The following EIF3G variants were observed in gnomAD, a reference collection of about 807,000 sequenced individuals.
EIF3G encodes eukaryotic translation initiation factor 3 RNA-binding subunit.
In EIF3G, 10 loss-of-function variants were observed where a neutral mutation model predicts 41.7. The observed-to-expected ratio is 0.24, with a 90% CI of 0.15 to 0.41. The LOEUF (loss-of-function observed/expected upper bound fraction) is 0.41. EIF3G is among the 10% of genes least tolerant of loss of function. The pLI is 1.00. For synonymous variants in EIF3G, 204 were observed against 172.5 expected, an observed-to-expected ratio of 1.18 and a Z score of -1.43; for missense variants, 297 against 444.0, an observed-to-expected ratio of 0.67 and a Z score of 2.98.
rs1307970754 is a variant in EIF3G at position 10,118,967 on chromosome 19, G to A, written c.152-11C>T. 1.9e-6 allele frequency: 3 copies of A among 1,613,958 alleles called. No homozygotes were observed. The highest frequency in any genetic ancestry group is 1.3e-5 in the African/African-American group (1 of 74,928). On this transcript the variant is annotated splice_polypyrimidine_tract_variant and intron_variant, in intron 3 of 10. Coordinates refer to ENST00000253108, the MANE Select transcript of EIF3G (RefSeq NM_003755.5). The stretch of plus-strand genomic sequence containing the variant: ...GAGGCGGCAGTGGAGCTGGCAGAAG[G>A]GGAAAAACAGAGAAAGACTGAGCCC...
rs914543563 is a variant in EIF3G at position 10,116,554 on chromosome 19, G to A, written c.595+246C>T. On this transcript the variant is annotated intron_variant, in intron 7 of 10. Coordinates refer to ENST00000253108, the MANE Select transcript of EIF3G (RefSeq NM_003755.5). The surrounding 1 kb of genome is among the most constrained non-coding windows in gnomAD (Gnocchi z 4.1). ...GTGGGGTGGTCAGCACCCTGGGGCC[G>A]ACAGACAGCAGCTCATCAGGACAGT... 4.2e-5 allele frequency: 22 copies of A among 524,502 alleles called. No individual in the cohort carries two copies. Among genetic ancestry groups the A allele is most frequent in the African/African-American group, 1.7e-4 (9 of 52,752 alleles). 32.5% of individuals were successfully genotyped at this position (524,502 alleles called of 1,614,324 possible). A position where few individuals can be genotyped will look rare whatever the true frequency, so the allele number is the denominator to read the frequency against.
intron 6 of EIF3G, 43 bp from the exon 7 acceptor site, chr19:10,117,032 A>G: frequency 6.2e-7 from 1 of 1,600,848 alleles, no homozygotes; most frequent in Non-Finnish European, 8.5e-7. Context: ...CGGCTAAGGC[A>G]CCCCCTTTGC....
rs1399515902 is a variant in EIF3G at position 10,116,623 on chromosome 19, A to G, written c.595+177T>C. The G allele has an allele frequency of 6.4e-6, 4 of 623,358 alleles. No individual in the cohort carries two copies. The highest frequency in any genetic ancestry group is 5.9e-5 in the Admixed American group (2 of 33,682). 38.6% of individuals were successfully genotyped at this position (623,358 alleles called of 1,614,324 possible). On this transcript the variant is annotated intron_variant, in intron 7 of 10. Coordinates refer to ENST00000253108, the MANE Select transcript of EIF3G (RefSeq NM_003755.5). This position sits in a 1 kb window ranked among gnomAD's most constrained non-coding sequence, Gnocchi z 4.1. ...GTCACAGCTGCCAAGTCGCACATATATGGGAGACGCCCGTCTCCCAACCAT... is the reference window on the plus strand; with the variant it reads ...GTCACAGCTGCCAAGTCGCACATATGTGGGAGACGCCCGTCTCCCAACCAT...
In EIF3G at chr19:10,116,183, G is replaced by T; in HGVS notation, c.596-109C>A. On this transcript the variant is annotated intron_variant, in intron 7 of 10. Transcript: ENST00000253108. The surrounding 1 kb of genome is among the most constrained non-coding windows in gnomAD (Gnocchi z 4.1). ...TGTTGAGCCAGCGCAGGCACTGTGT[G>T]CCAAACCACAGGCAGCCAGTTGGCC... The T allele has an allele frequency of 8.8e-7, 1 of 1,136,270 alleles. No individual in the cohort carries two copies. The highest frequency in any genetic ancestry group is 1.2e-6 in the Non-Finnish European group (1 of 802,942). 70.4% of individuals were successfully genotyped at this position (1,136,270 alleles called of 1,614,324 possible).
Position 10,116,092 on chromosome 19 carries a change from G to GTCAAGTTC in EIF3G, c.596-26_596-19dup. 6.2e-7 allele frequency: 1 copy of GTCAAGTTC among 1,611,530 alleles called. No homozygotes were observed. The highest frequency in any genetic ancestry group is 8.5e-7 in the Non-Finnish European group (1 of 1,178,528). On this transcript the variant is annotated intron_variant, in intron 7 of 10. Coordinates refer to ENST00000253108, the MANE Select transcript of EIF3G (RefSeq NM_003755.5). The surrounding 1 kb of genome is among the most constrained non-coding windows in gnomAD (Gnocchi z 4.1). ...CTCTAGCTCTGGGGACCAAAAGACA[G>GTCAAGTTC]TCAAGTTCAACCTCACTGTGGCGCA...
intron 5 of EIF3G, chr19:10,118,147 TGATTA>T (rs2089275295): frequency 6.5e-6 from 1 of 152,834 alleles, no homozygotes; most frequent in Non-Finnish European, 1.5e-5. Context: ...CATCGAACTT[TGATTA>T]GATATTTATC....
At position 10,116,368 on chromosome 19, in the gene EIF3G, GAC is replaced by G. The variant is rs2089250283; in HGVS notation, c.596-296_596-295del. 2 of 541,684 alleles carry G rather than the reference GAC, an allele frequency of 3.7e-6. No individual in the cohort carries two copies. The highest frequency in any genetic ancestry group is 6.6e-6 in the Non-Finnish European group (2 of 301,974). 33.6% of individuals were successfully genotyped at this position (541,684 alleles called of 1,614,324 possible). ...ACATGCACAGCAACGGCAGACATGG[GAC>G]ACACAACAGGAACAGCGCCCAGGTC... is the stretch of plus-strand genomic sequence containing the variant. On this transcript the variant is annotated intron_variant, in intron 7 of 10. Coordinates refer to ENST00000253108, the MANE Select transcript of EIF3G (RefSeq NM_003755.5). The surrounding 1 kb of genome is among the most constrained non-coding windows in gnomAD (Gnocchi z 4.1).
Position 10,117,077 on chromosome 19 carries a change from C to G in EIF3G, c.405+7G>C. On this transcript the variant is annotated splice_region_variant and intron_variant, in intron 6 of 10. Coordinates refer to ENST00000253108, the MANE Select transcript of EIF3G (RefSeq NM_003755.5). ...GGATGCCAGCCCCACCTGATTGCCC[C>G]GCTTACCTCTTTGCTGGTGATGAAC... The G allele has an allele frequency of 6.2e-7, 1 of 1,612,624 alleles. No individual in the cohort carries two copies. The highest frequency in any genetic ancestry group is 8.5e-7 in the Non-Finnish European group (1 of 1,179,138).
intron 1 of EIF3G, 66 bp downstream of exon 1, chr19:10,119,774 G>GC: frequency 6.2e-7 from 1 of 1,613,996 alleles, no homozygotes; most frequent in Middle Eastern, 1.6e-4. Context: ...GCGTACCCAG[G>GC]CCCCATAATA....
At position 10,116,704 on chromosome 19, in the gene EIF3G, C is replaced by G; in HGVS notation, c.595+96G>C. On this transcript the variant is annotated intron_variant, in intron 7 of 10. Transcript: ENST00000253108. The surrounding 1 kb of genome is among the most constrained non-coding windows in gnomAD (Gnocchi z 4.1). ...CGCCCCGAGGAGAGTCTGGCACCATCAAACCCGCTGCACTGTCGTGCGGGA... is the reference window on the plus strand; with the variant it reads ...CGCCCCGAGGAGAGTCTGGCACCATGAAACCCGCTGCACTGTCGTGCGGGA... 1 of 1,323,216 alleles carries G rather than the reference C, an allele frequency of 7.6e-7. No individual in the cohort carries two copies. The highest frequency in any genetic ancestry group is 1.5e-5 in the South Asian group (1 of 68,716). The allele number at this position is 1,323,216 out of a possible 1,614,324, so 82.0% of individuals were successfully genotyped here. A position where few individuals can be genotyped will look rare whatever the true frequency, so the allele number is the denominator to read the frequency against.
Position 10,117,141 on chromosome 19 carries a change from A to G in EIF3G, c.348T>C (p.Asn116=), listed in dbSNP as rs745645967. The change falls in exon 6 of 11, where the codon AAT becomes AAC. Residue 116 remains asparagine, a synonymous_variant. Transcript: ENST00000253108. ...CGTCACTGACAGTGGTGGTGGCCAC[A>G]TTGGGTCCGGGGGGGTCAAACTCTG... ...GNSEFDPPGP[N]VATTTVSDDV... 2.4e-5 allele frequency: 38 copies of G among 1,612,844 alleles called. 2 individuals are homozygous for G. In the South Asian group the frequency reaches 4.1e-4, roughly 17 times the overall value.
In EIF3G at chr19:10,117,098, T is replaced by G. The variant is rs201238271; in HGVS notation, c.391A>C (p.Ile131Leu). The change falls in exon 6 of 11, where the codon ATC becomes CTC. Residue 131 changes from isoleucine (I) to leucine (L), a missense_variant. By Grantham distance (5) the Ile-to-Leu change is conservative (BLOSUM62 2). Coordinates refer to ENST00000253108, the MANE Select transcript of EIF3G (RefSeq NM_003755.5). ...TVSDDVSMTF[I>L]TSKEDLNCQE... ...GCCCCGCTTACCTCTTTGCTGGTGA[T>G]GAACGTCATAGAGACATCGTCACTG... The G allele has an allele frequency of 6.2e-7, 1 of 1,613,680 alleles. No homozygotes were observed. The highest frequency in any genetic ancestry group is 8.5e-7 in the Non-Finnish European group (1 of 1,179,796).
intron 5 of EIF3G, chr19:10,117,473 T>C (rs2089269568): frequency 2.6e-6 from 1 of 381,108 alleles, no homozygotes; most frequent in Non-Finnish European, 4.7e-6. Context: ...CAGGGCGCAA[T>C]ACTCAGGGAT....
At position 10,119,650 on chromosome 19, in the gene EIF3G, T is replaced by C. The variant is rs1384247747; in HGVS notation, c.67+4A>G. 1 of 1,570,730 alleles carries C rather than the reference T, an allele frequency of 6.4e-7. No homozygotes were observed. The highest frequency in any genetic ancestry group is 8.6e-7 in the Non-Finnish European group (1 of 1,156,668). Reference sequence around the variant, plus strand: ...GAATACCCCGGGCGACCGTGTACACTTACCGTCCTCCCCCTCCTCCTCCAC... The same window carrying C: ...GAATACCCCGGGCGACCGTGTACACCTACCGTCCTCCCCCTCCTCCTCCAC... On this transcript the variant is annotated splice_donor_region_variant and intron_variant, in intron 2 of 10. Coordinates refer to ENST00000253108, the MANE Select transcript of EIF3G (RefSeq NM_003755.5).
intron 2 of EIF3G, 83 bp from the exon 3 acceptor site, chr19:10,119,254 G>A (rs1173048657): frequency 1.4e-6 from 2 of 1,427,924 alleles, no homozygotes; most frequent in Non-Finnish European, 1.9e-6. Context: ...TTGGGATGAC[G>A]CCTACAGCAA....
chr19:10,119,833 G>A lies in EIF3G; in HGVS notation c.20+7C>T, dbSNP rs1236591988. ...TCCCGTGCCCCTTTCCGCGATCGCC[G>A]ACTCACTCAAAGTCTCCAGTAGGCA... On this transcript the variant is annotated splice_region_variant and intron_variant, in intron 1 of 10. Transcript: ENST00000253108. The A allele has an allele frequency of 1.2e-6, 2 of 1,614,030 alleles. No homozygotes were observed. Among genetic ancestry groups the A allele is most frequent in the African/African-American group, 2.7e-5 (2 of 74,902 alleles).
intron 5 of EIF3G, 88 bp downstream of exon 5, chr19:10,118,580 A>G: frequency 7.3e-7 from 1 of 1,375,682 alleles, no homozygotes; most frequent in Non-Finnish European, 1.0e-6. Context: ...AAAAAAAAAA[A>G]AAGAGTTAAG....
Position 10,115,496 on chromosome 19 carries a change from G to A in EIF3G, c.930C>T (p.Leu310=), listed in dbSNP as rs749165063. 1.2e-6 allele frequency: 2 copies of A among 1,612,420 alleles called. No homozygotes were observed. The highest frequency in any genetic ancestry group is 8.5e-7 in the Non-Finnish European group (1 of 1,178,942). ...AGTCTTACTTGGCCCACTCGACGTT[G>A]AGGATGAGGTGGTCGTAGCCAAAGC... ...VSGFGYDHLI[L]NVEWAKPSTN The change falls in exon 10 of 11, where the codon CTC becomes CTT. Residue 310 remains leucine, a synonymous_variant. Transcript: ENST00000253108.
chr19:10,119,216 G>A, intron 2 of EIF3G, 45 bp from the exon 3 acceptor site: 1 of 1,546,242 alleles, frequency 6.5e-7, no homozygotes, highest in Non-Finnish European at 8.8e-7. Context: ...CCAGGGGCAG[G>A]AGCTCCCCAG....
Sources: allele counts gnomAD v4.1 joint callset, GRCh38; gene constraint gnomAD v4.1.1; non-coding constraint Gnocchi (gnomAD v3.1); transcripts MANE v1.5; gene names NCBI Gene and HGNC (gene_info 2026-07-23, HGNC 2026-07-21).